SSH2: variants seen among roughly 807,000 people sequenced by gnomAD.
SSH2 encodes slingshot protein phosphatase 2, also known as protein phosphatase Slingshot homolog 2.
A neutral mutation model predicts 135.2 loss-of-function variants in SSH2; 37 were observed. That is an observed-to-expected ratio of 0.27 (90% CI 0.21 to 0.36). The LOEUF (loss-of-function observed/expected upper bound fraction) is 0.36. SSH2 is among the 10% of genes least tolerant of loss of function. The pLI is 1.00. For synonymous variants in SSH2, 628 were observed against 646.2 expected, an observed-to-expected ratio of 0.97 and a Z score of 0.43; for missense variants, 1,408 against 1,765.3, an observed-to-expected ratio of 0.80 and a Z score of 3.63.
intron 2 of SSH2, among the ~76,000 whole-genome samples, chr17:29,819,702 T>C (rs1239023933): frequency 6.6e-6 from 1 of 152,230 alleles, no homozygotes; most frequent in East Asian, 1.9e-4. Flanking sequence ...CCACAGAGAC[T>C]CTGCTTTTTA....
chr17:29,659,973 G>GGTGT (rs1413547368), intron 11 of SSH2, among the ~76,000 whole-genome samples: 1 of 151,942 alleles, frequency 6.6e-6, no homozygotes, highest in African/African-American at 2.4e-5. Context: ...TGGGATTACA[G>GGTGT]GCACGCACCA....
At chr17:29,854,784 C>T (rs2065632286) in intron 1 of SSH2, among the ~76,000 whole-genome samples, 1 of 152,056 alleles carries the variant, frequency 6.6e-6, no homozygotes, top group Admixed American at 6.6e-5. Context: ...CCCGTCTCTA[C>T]TAAAAATACA....
intron 2 of SSH2, among the ~76,000 whole-genome samples, chr17:29,806,703 G>T (rs977572768): frequency 1.3e-5 from 2 of 152,128 alleles, no homozygotes; most frequent in Non-Finnish European, 1.5e-5. Context: ...TTTTCTGATT[G>T]GTTGATGGCT....
intron 3 of SSH2, among the ~76,000 whole-genome samples, chr17:29,768,976 A>C (rs2041509772): frequency 6.6e-6 from 1 of 152,150 alleles, no homozygotes; most frequent in African/African-American, 2.4e-5. Context: ...GCACTTTGGG[A>C]GGCAGAGGCA....
At chr17:29,814,560 C>G (rs368661454) in intron 2 of SSH2, among the ~76,000 whole-genome samples, 26 of 151,238 alleles carry the variant, frequency 1.7e-4, no homozygotes, top group African/African-American at 6.3e-4. Context: ...TTTTTGATAC[C>G]TTAGAAAAAT....
At chr17:29,663,921 A>G (rs1325257333) in intron 11 of SSH2, among the ~76,000 whole-genome samples, 6 of 152,206 alleles carry the variant, frequency 3.9e-5, no homozygotes, top group Admixed American at 3.9e-4. Flanking sequence ...GATGTTGACA[A>G]TGGGGGAAAC....
intron 12 of SSH2, among the ~76,000 whole-genome samples, chr17:29,653,319 T>C (rs1190619460): frequency 1.3e-5 from 2 of 152,140 alleles, no homozygotes; most frequent in African/African-American, 4.8e-5. Context: ...ATATTAAAAT[T>C]TAACAATCAC....
At chr17:29,767,059 A>C (rs2041463240) in intron 3 of SSH2, among the ~76,000 whole-genome samples, 1 of 152,264 alleles carries the variant, frequency 6.6e-6, no homozygotes, top group African/African-American at 2.4e-5. Flanking sequence ...CACTGGATTA[A>C]GCAATGTCAC....
At chr17:29,709,296 ATGT>A (rs889674438) in intron 3 of SSH2, among the ~76,000 whole-genome samples, 1 of 152,092 alleles carries the variant, frequency 6.6e-6, no homozygotes, top group Non-Finnish European at 1.5e-5. Flanking sequence ...ATGCTCTACC[ATGT>A]TGTTTTCGCT....
Position 29,677,648 on chromosome 17 carries a change from C to T in SSH2, c.548+25G>A, listed in dbSNP as rs774994794. ...AGCCCCACCCCTTGGCTTTCTGTAA[C>T]AGAATAAAAAAGGAAATCTCTTACC... On this transcript the variant is annotated intron_variant, in intron 7 of 15. Coordinates refer to ENST00000540801, the MANE Select transcript of SSH2 (RefSeq NM_001282129.2). 3.1e-6 allele frequency: 5 copies of T among 1,606,692 alleles called. No individual in the cohort carries two copies. In the Admixed American group the frequency reaches 8.3e-5, roughly 27 times the overall value.
chr17:29,743,722 T>C (rs1164252959), intron 3 of SSH2, among the ~76,000 whole-genome samples: 1 of 152,148 alleles, frequency 6.6e-6, no homozygotes, highest in Admixed American at 6.5e-5. Flanking sequence ...ATCTTTACAT[T>C]AGAGATAACT....
At chr17:29,806,196 GAAAAGTCAACA>G (rs1471751771) in intron 2 of SSH2, among the ~76,000 whole-genome samples, 1 of 152,154 alleles carries the variant, frequency 6.6e-6, no homozygotes, top group African/African-American at 2.4e-5. Flanking sequence ...GCCAGAACCA[GAAAAGTCAACA>G]AAGTCTCTTC....
intron 1 of SSH2, among the ~76,000 whole-genome samples, chr17:29,915,022 T>A (rs1264360229): frequency 6.6e-6 from 1 of 152,208 alleles, no homozygotes; most frequent in African/African-American, 2.4e-5. Flanking sequence ...AACCATGGAA[T>A]CAGCATAAAA....
At chr17:29,759,295 C>T (rs2041219743) in intron 3 of SSH2, among the ~76,000 whole-genome samples, 1 of 152,158 alleles carries the variant, frequency 6.6e-6, no homozygotes, top group African/African-American at 2.4e-5. Flanking sequence ...CTCAGCCTCC[C>T]AAAGTGCTGG....
rs763929129 is a variant in SSH2 at position 29,631,791 on chromosome 17, A to G, written c.3403T>C (p.Ser1135Pro). The G allele has an allele frequency of 2.5e-5, 40 of 1,614,100 alleles. No homozygotes were observed. Among genetic ancestry groups the G allele is most frequent in the Non-Finnish European group, 3.1e-5 (36 of 1,180,044 alleles). Residue 1135 changes from serine to proline, a missense_variant, in exon 16 of 16, where the codon TCC (serine) becomes CCC (proline). By Grantham distance (74) the Ser-to-Pro change is moderately conservative. This residue lies in a region of SSH2 where 1,080 missense variants were observed against 1,144.5 expected (regional missense o/e 0.94). Coordinates refer to ENST00000540801, the MANE Select transcript of SSH2 (RefSeq NM_001282129.2). ...SSPEDRGSSL[S>P]TALETAAPFV... The stretch of plus-strand genomic sequence containing the variant: ...GGTGCTGCTGTCTCCAGGGCTGTGG[A>G]CAGGCTGCTGCCTCTGTCTTCAGGG...
chr17:29,854,358 T>A (rs1011184053), intron 1 of SSH2, among the ~76,000 whole-genome samples: 1 of 151,776 alleles, frequency 6.6e-6, no homozygotes, highest in African/African-American at 2.4e-5. Context: ...TTTTGCTTTT[T>A]ATGGGGACGC....
chr17:29,664,010 C>T (rs183933501), intron 11 of SSH2, among the ~76,000 whole-genome samples: 1 of 152,294 alleles, frequency 6.6e-6, no homozygotes, highest in East Asian at 1.9e-4. Context: ...TAAAACTACT[C>T]TTTAAAAAAA....
chr17:29,801,976 ACTATC>A (rs1180101329), intron 2 of SSH2, among the ~76,000 whole-genome samples: 1 of 152,212 alleles, frequency 6.6e-6, no homozygotes, highest in Non-Finnish European at 1.5e-5. Flanking sequence ...TTACCCAAAG[ACTATC>A]CTTTTGGTTA....
At chr17:29,818,062 G>C (rs1776102723) in intron 2 of SSH2, among the ~76,000 whole-genome samples, 1 of 152,010 alleles carries the variant, frequency 6.6e-6, no homozygotes, top group South Asian at 2.1e-4. Flanking sequence ...GAGCCACTGT[G>C]CCTGCCTCCC....
Sources: allele counts gnomAD v4.1 joint callset (sites outside exome capture counted in the v4.1 genomes callset), GRCh38; gene constraint gnomAD v4.1.1; regional missense constraint gnomAD v4.1.1; transcripts MANE v1.5; gene names NCBI Gene and HGNC (gene_info 2026-07-23, HGNC 2026-07-21).